TANC2: variants seen among roughly 807,000 people sequenced by gnomAD.
TANC2 encodes protein TANC2.
A neutral mutation model predicts 210.5 loss-of-function variants in TANC2; 26 were observed. The ratio of observed to expected loss-of-function variants is 0.12; its 90% CI spans 0.09 to 0.17. The LOEUF is 0.17. Among genes scored for constraint, TANC2 ranks in the 10% least tolerant of loss-of-function variants. The pLI is 1.00. For synonymous variants in TANC2, 931 were observed against 967.1 expected, an observed-to-expected ratio of 0.96 and a Z score of 0.69; for missense variants, 2,129 against 2,608.9, an observed-to-expected ratio of 0.82 and a Z score of 4.01.
chr17:63,105,187 T>TA (rs2037779084), intron 4 of TANC2, among the ~76,000 whole-genome samples: 2 of 151,842 alleles, frequency 1.3e-5, no homozygotes, highest in Admixed American at 1.3e-4. Context: ...AAATAGATTA[T>TA]TATCTAATCT....
intron 2 of TANC2, among the ~76,000 whole-genome samples, chr17:63,026,039 C>T (rs1191990674): frequency 4.6e-5 from 7 of 151,744 alleles, no homozygotes; most frequent in Non-Finnish European, 1.0e-4. Context: ...CTCCCTATGC[C>T]TAGAATGTTA....
chr17:63,124,547 A>G (rs534504883), intron 4 of TANC2, among the ~76,000 whole-genome samples: 2 of 152,362 alleles, frequency 1.3e-5, no homozygotes, highest in East Asian at 3.9e-4. Context: ...GAGAGGCTAC[A>G]TAAAATCGGT....
At chr17:63,388,979 C>G (rs1355231034) in intron 16 of TANC2, among the ~76,000 whole-genome samples, 1 of 152,152 alleles carries the variant, frequency 6.6e-6, no homozygotes, top group Non-Finnish European at 1.5e-5. Flanking sequence ...CATATGGGAT[C>G]AGGTCCTGCT....
chr17:63,013,002 A>G (rs1598250952), intron 2 of TANC2, among the ~76,000 whole-genome samples: 2 of 152,202 alleles, frequency 1.3e-5, no homozygotes, highest in East Asian at 1.9e-4. Flanking sequence ...ATCTATGACA[A>G]ACTTTACTTT....
At chr17:63,356,327 A>G (rs1467294728) in intron 14 of TANC2, among the ~76,000 whole-genome samples, 2 of 152,218 alleles carry the variant, frequency 1.3e-5, no homozygotes, top group Non-Finnish European at 2.9e-5. Context: ...AGCCGGGTAC[A>G]TTACTGACTT....
chr17:63,375,388 A>G (rs2047393799), intron 14 of TANC2, among the ~76,000 whole-genome samples: 1 of 152,264 alleles, frequency 6.6e-6, no homozygotes, highest in Non-Finnish European at 1.5e-5. Context: ...AGAGAAATGC[A>G]GACATCTCAC....
intron 3 of TANC2, among the ~76,000 whole-genome samples, chr17:63,094,529 A>G (rs892352626): frequency 6.6e-6 from 1 of 152,148 alleles, no homozygotes; most frequent in African/African-American, 2.4e-5. Context: ...TGAACATATT[A>G]TGCTAGAGGT....
chr17:62,996,636 A>C (rs952280481), intron 1 of TANC2, among the ~76,000 whole-genome samples: 1 of 152,104 alleles, frequency 6.6e-6, no homozygotes, highest in African/African-American at 2.4e-5. Flanking sequence ...TTTTCTTTTA[A>C]GAACACTATT....
intron 14 of TANC2, among the ~76,000 whole-genome samples, chr17:63,363,970 G>C (rs913340781): frequency 6.6e-6 from 1 of 152,140 alleles, no homozygotes; most frequent in Non-Finnish European, 1.5e-5. Context: ...GTCTTCTGAT[G>C]TCATAGTTTA....
chr17:63,364,507 C>T (rs991497860), intron 14 of TANC2, among the ~76,000 whole-genome samples: 3 of 152,110 alleles, frequency 2.0e-5, no homozygotes, highest in African/African-American at 7.2e-5. Context: ...TATAGTTCTG[C>T]TTGTGATAAG....
intron 3 of TANC2, among the ~76,000 whole-genome samples, chr17:63,081,962 AAG>A (rs1177314238): frequency 6.6e-6 from 1 of 152,104 alleles, no homozygotes; most frequent in Non-Finnish European, 1.5e-5. Context: ...TCAGGAGATC[AAG>A]ACCATCCTGG....
At chr17:63,131,533 T>G (rs964403280) in intron 4 of TANC2, among the ~76,000 whole-genome samples, 1 of 63,886 alleles carries the variant, frequency 1.6e-5, no homozygotes, top group East Asian at 2.4e-4. Flanking sequence ...ATTACTTTGG[T>G]TTTTTTTTTT....
At chr17:63,210,038 G>A (rs1229904632) in intron 7 of TANC2, among the ~76,000 whole-genome samples, 1 of 152,096 alleles carries the variant, frequency 6.6e-6, no homozygotes, top group Admixed American at 6.5e-5. Flanking sequence ...CTAACACTTT[G>A]TTTAGGATTT....
intron 8 of TANC2, among the ~76,000 whole-genome samples, chr17:63,251,441 CAG>C (rs2043051257): frequency 6.6e-6 from 1 of 152,166 alleles, no homozygotes; most frequent in Non-Finnish European, 1.5e-5. Flanking sequence ...AAACACCTAA[CAG>C]AAGTTTGTGT....
At chr17:63,165,267 A>G (rs528659637) in intron 5 of TANC2, among the ~76,000 whole-genome samples, 18 of 134,640 alleles carry the variant, frequency 1.3e-4, no homozygotes, top group Non-Finnish European at 1.9e-4. Flanking sequence ...ACAGAGTGAG[A>G]CCCTATTTAA....
intron 25 of TANC2, among the ~76,000 whole-genome samples, 193 bp downstream of exon 25, chr17:63,413,827 T>A (rs2048780087): frequency 6.6e-6 from 1 of 152,184 alleles, no homozygotes; most frequent in Non-Finnish European, 1.5e-5. Context: ...AGCCTATAGT[T>A]GCCTGCAGCT....
intron 11 of TANC2, 131 bp downstream of exon 11, chr17:63,319,221 CTCTT>C: frequency 1.0e-6 from 1 of 956,816 alleles, no homozygotes; most frequent in South Asian, 1.8e-5. Flanking sequence ...AGGAAAGTTT[CTCTT>C]TCTTTGATAT....
rs114266880 is a variant in TANC2, at chr17:63,392,613, C to G, written c.3051+3069C>G. On this transcript the variant is annotated intron_variant, in intron 17 of 27. Transcript: ENST00000689528. ...AGATTCTCATCTCATCTATTACACACCATCCCCTTAGCTTTTGTAGAGCTT... is the reference window on the plus strand; with the variant it reads ...AGATTCTCATCTCATCTATTACACAGCATCCCCTTAGCTTTTGTAGAGCTT... 4.2e-3 allele frequency among the ~76,000 whole-genome samples: 635 copies of G among 152,270 alleles called. 5 individuals carry two copies. The highest frequency in any genetic ancestry group is 0.013 in the African/African-American group (551 of 41,550).
intron 9 of TANC2, among the ~76,000 whole-genome samples, chr17:63,307,990 C>T (rs2044981891): frequency 6.6e-6 from 1 of 152,134 alleles, no homozygotes; most frequent in South Asian, 2.1e-4. Flanking sequence ...TGGTCTCAAT[C>T]TCCTGACCTT....
Sources: gnomAD v4.1 joint callset for allele counts (sites outside exome capture counted in the v4.1 genomes callset) on GRCh38, gnomAD v4.1.1 for gene constraint, MANE v1.5 for transcripts, NCBI Gene and HGNC (gene_info 2026-07-23, HGNC 2026-07-21) for gene names.